The following SETBP1 variants were observed in gnomAD, a reference collection of about 807,000 sequenced individuals.
SETBP1 encodes the protein SET binding protein 1.
Under a neutral mutation model 101.0 loss-of-function variants are expected in SETBP1, and 9 were observed. The ratio of observed to expected loss-of-function variants is 0.09; its 90% CI spans 0.05 to 0.16. The LOEUF (loss-of-function observed/expected upper bound fraction) is 0.16, where lower values mean the gene tolerates loss of function less well. SETBP1 is among the 10% of genes least tolerant of loss of function. The pLI, the probability that SETBP1 is intolerant of heterozygous loss-of-function variation, is 1.00. For synonymous variants in SETBP1, 818 were observed against 788.5 expected, an observed-to-expected ratio of 1.04 and a Z score of -0.63; for missense variants, 1,858 against 2,033.8, an observed-to-expected ratio of 0.91 and a Z score of 1.66.
At chr18:44,909,275 G>T (rs958586795) in intron 3 of SETBP1, among the ~76,000 whole-genome samples, 1 of 152,220 alleles carries the variant, frequency 6.6e-6, no homozygotes, top group Admixed American at 6.5e-5. Flanking sequence ...TGGAGGGCAA[G>T]GCCGAGGAGA....
At chr18:44,786,216 T>A (rs1394770304) in intron 2 of SETBP1, among the ~76,000 whole-genome samples, 1 of 152,242 alleles carries the variant, frequency 6.6e-6, no homozygotes, top group Non-Finnish European at 1.5e-5. Context: ...TTGTGGTTGA[T>A]ACTTTTTCTA....
At chr18:44,709,475 T>G (rs1187592278) in intron 2 of SETBP1, among the ~76,000 whole-genome samples, 1 of 152,222 alleles carries the variant, frequency 6.6e-6, no homozygotes, top group African/African-American at 2.4e-5. Context: ...AGGCAAGACT[T>G]AACCTCTTGA....
intron 3 of SETBP1, among the ~76,000 whole-genome samples, chr18:44,894,393 T>A (rs1467860081): frequency 6.6e-6 from 1 of 151,984 alleles, no homozygotes; most frequent in African/African-American, 2.4e-5. Flanking sequence ...TCATCTTACT[T>A]GGATCATTTT....
At chr18:45,059,078 T>G (rs2073852857) in intron 5 of SETBP1, among the ~76,000 whole-genome samples, 1 of 152,208 alleles carries the variant, frequency 6.6e-6, no homozygotes, top group Non-Finnish European at 1.5e-5. Context: ...TTTTTAACAT[T>G]GTGTTATCAA....
chr18:44,934,337 CG>C (rs1237967484), intron 3 of SETBP1, among the ~76,000 whole-genome samples: 1 of 152,042 alleles, frequency 6.6e-6, no homozygotes, highest in African/African-American at 2.4e-5. Flanking sequence ...TTAATAGAGA[CG>C]GGGTTTTGCC....
chr18:44,836,253 T>C (rs1321300700), intron 2 of SETBP1, among the ~76,000 whole-genome samples: 1 of 152,166 alleles, frequency 6.6e-6, no homozygotes. Flanking sequence ...CACACTGCAG[T>C]CAAATTTCCA....
chr18:44,875,761 A>G (rs760410679), intron 3 of SETBP1, among the ~76,000 whole-genome samples: 33 of 152,198 alleles, frequency 2.2e-4, no homozygotes, highest in Admixed American at 5.9e-4. Flanking sequence ...TAATAGGAAC[A>G]TTAGCCCCAT....
chr18:44,715,516 C>G (rs1299727074), intron 2 of SETBP1, among the ~76,000 whole-genome samples: 4 of 151,968 alleles, frequency 2.6e-5, no homozygotes, highest in Admixed American at 1.3e-4. Flanking sequence ...GAACAGTTTC[C>G]CCAGTCAAGG....
chr18:44,900,193 A>T (rs2070009548), intron 3 of SETBP1, among the ~76,000 whole-genome samples: 1 of 152,164 alleles, frequency 6.6e-6, no homozygotes, highest in Non-Finnish European at 1.5e-5. Context: ...ACCTGTTAGA[A>T]ATGCAGGTTC....
chr18:44,802,042 C>G (rs1363285179), intron 2 of SETBP1, among the ~76,000 whole-genome samples: 2 of 152,142 alleles, frequency 1.3e-5, no homozygotes, highest in Admixed American at 1.3e-4. Flanking sequence ...TCTCACCCCA[C>G]CTGGCACTTG....
intron 5 of SETBP1, among the ~76,000 whole-genome samples, chr18:45,045,758 G>A (rs970239027): frequency 7.2e-5 from 11 of 152,114 alleles, no homozygotes; most frequent in East Asian, 1.9e-4. Flanking sequence ...GTCAAGGATC[G>A]TGGTGAATAA....
rs1161961205 is a variant in SETBP1 at position 45,064,525 on chromosome 18, T to G, written c.*827T>G. On this transcript the variant is annotated 3_prime_UTR_variant, in exon 6 of 6. Transcript: ENST00000649279. ...GCATGCTGTTCCAAGAACCTGGGTT[T>G]GAATCCCAATCGTTGTGAAACATAC... 6.6e-6 allele frequency: 1 copy of G among 152,188 alleles called. No individual in the cohort carries two copies. Among genetic ancestry groups the G allele is most frequent in the Non-Finnish European group, 1.5e-5 (1 of 68,030 alleles). 9.4% of individuals were successfully genotyped at this position (152,188 alleles called of 1,614,324 possible).
At chr18:44,961,923 A>G (rs1278403250) in intron 4 of SETBP1, among the ~76,000 whole-genome samples, 1 of 152,222 alleles carries the variant, frequency 6.6e-6, no homozygotes, top group Non-Finnish European at 1.5e-5. Flanking sequence ...ATTATAGATG[A>G]AAGCCTAACT....
At chr18:45,040,011 A>AGGC (rs1382909308) in intron 5 of SETBP1, among the ~76,000 whole-genome samples, 3 of 152,144 alleles carry the variant, frequency 2.0e-5, no homozygotes, top group Non-Finnish European at 4.4e-5. Context: ...CCTTGCATTG[A>AGGC]CCAATGTGCA....
chr18:44,697,907 C>A (rs367918482), intron 1 of SETBP1, among the ~76,000 whole-genome samples: 6 of 152,276 alleles, frequency 3.9e-5, no homozygotes, highest in African/African-American at 1.4e-4. Context: ...ATTTGGGGAA[C>A]ACCAATTGCA....
At chr18:44,948,507 A>AGATAGATAGATAGAT (rs2071262440) in intron 3 of SETBP1, among the ~76,000 whole-genome samples, 2 of 151,846 alleles carry the variant, frequency 1.3e-5, no homozygotes, top group African/African-American at 2.4e-5. Context: ...GATGATAGAT[A>AGATAGATAGATAGAT]GATAGATAGA....
chr18:44,758,392 T>A (rs933413801), intron 2 of SETBP1, among the ~76,000 whole-genome samples: 69 of 152,138 alleles, frequency 4.5e-4, no homozygotes, highest in African/African-American at 1.7e-3. Context: ...GAATTTTTTT[T>A]TTTTTTTTGA....
chr18:44,717,155 G>GCAGCCACC (rs1367761773), intron 2 of SETBP1, among the ~76,000 whole-genome samples: 1 of 152,186 alleles, frequency 6.6e-6, no homozygotes, highest in Non-Finnish European at 1.5e-5. Context: ...GAGCTCCAAG[G>GCAGCCACC]CAGCCACCGT....
intron 2 of SETBP1, among the ~76,000 whole-genome samples, chr18:44,727,360 G>A (rs531344433): frequency 3.7e-4 from 56 of 152,186 alleles, no homozygotes; most frequent in Admixed American, 7.9e-4. Flanking sequence ...TCATTTGAAA[G>A]CATCTTAAGG....
Sources: allele counts gnomAD v4.1 joint callset (sites outside exome capture counted in the v4.1 genomes callset), GRCh38; gene constraint gnomAD v4.1.1; transcripts MANE v1.5; gene names NCBI Gene and HGNC (gene_info 2026-07-23, HGNC 2026-07-21).